IQCM: variants seen among roughly 807,000 people sequenced by gnomAD.
IQCM encodes the protein IQ domain-containing protein M.
In IQCM, 45 loss-of-function variants were observed where a neutral mutation model predicts 57.6. That is an observed-to-expected ratio of 0.78 (90% CI 0.62 to 1.00). IQCM has a LOEUF of 1.00. IQCM is among the 50% of genes least tolerant of loss of function. The pLI, the probability that IQCM is intolerant of heterozygous loss-of-function variation, is 0.00. For synonymous variants in IQCM, 148 were observed against 158.9 expected (o/e 0.93, Z 0.51); for missense variants, 468 against 511.6 (o/e 0.91, Z 0.82).
intron 13 of IQCM, among the ~76,000 whole-genome samples, chr4:149,367,277 CCCTGTA>C (rs1729910455): frequency 6.6e-6 from 1 of 151,862 alleles, no homozygotes; most frequent in Non-Finnish European, 1.5e-5. Flanking sequence ...TATATGTATG[CCCTGTA>C]TACAAACAAA....
intron 13 of IQCM, among the ~76,000 whole-genome samples, chr4:149,390,428 T>G (rs1731768542): frequency 6.6e-6 from 1 of 151,942 alleles, no homozygotes; most frequent in African/African-American, 2.4e-5. Flanking sequence ...CTTTTTTTTT[T>G]TCTAATTATC....
At chr4:149,411,569 A>T (rs565285213) in intron 13 of IQCM, among the ~76,000 whole-genome samples, 8 of 152,272 alleles carry the variant, frequency 5.3e-5, no homozygotes, top group African/African-American at 1.9e-4. Flanking sequence ...TTATTGATCA[A>T]ATATTTCACC....
At position 149,621,143 on chromosome 4, in the gene IQCM, G is replaced by A. The variant is rs142822410; in HGVS notation, c.667C>T (p.Arg223Trp). Reference sequence around the variant, plus strand: ...TAAATACTTACAGAATAATAATCCCGAAATATTGATGATGATTGAGAGAAA... The same window carrying A: ...TAAATACTTACAGAATAATAATCCCAAAATATTGATGATGATTGAGAGAAA... ...VSFSQSSSIF[R>W]DYYSKTFKTL... Residue 223 changes from arginine (R) to tryptophan (W), a missense_variant, in exon 8 of 14, where the codon CGG becomes TGG. Transcript: ENST00000636793. 1.3e-3 allele frequency: 1,565 copies of A among 1,224,326 alleles called. 8 individuals carry two copies. Among genetic ancestry groups the A allele is most frequent in the African/African-American group, 0.012 (787 of 64,322 alleles). 75.8% of individuals were successfully genotyped at this position (1,224,326 alleles called of 1,614,324 possible). A position where few individuals can be genotyped will look rare whatever the true frequency, so the allele number is the denominator to read the frequency against.
chr4:149,765,565 G>T (rs1296921796), intron 2 of IQCM, among the ~76,000 whole-genome samples: 1 of 151,830 alleles, frequency 6.6e-6, no homozygotes, highest in Non-Finnish European at 1.5e-5. Flanking sequence ...GTCCCTTCTG[G>T]TTGGGGACTG....
chr4:149,435,196 G>A (rs1735237734), intron 12 of IQCM, among the ~76,000 whole-genome samples: 1 of 152,064 alleles, frequency 6.6e-6, no homozygotes. Flanking sequence ...GACTTTTCCT[G>A]CTTAAATTAC....
intron 2 of IQCM, among the ~76,000 whole-genome samples, chr4:149,751,437 C>T (rs1768427561): frequency 6.6e-6 from 1 of 152,152 alleles, no homozygotes; most frequent in South Asian, 2.1e-4. Context: ...TAATCAAGGG[C>T]CTTAGGCCTT....
chr4:149,681,929 T>G (rs1352401682), intron 7 of IQCM, among the ~76,000 whole-genome samples, 189 bp downstream of exon 7: 1 of 151,116 alleles, frequency 6.6e-6, no homozygotes, highest in African/African-American at 2.4e-5. Flanking sequence ...GTCTCTCAAT[T>G]TCAGATAAAG....
chr4:149,563,123 A>C (rs1750288535), intron 10 of IQCM, among the ~76,000 whole-genome samples: 1 of 152,290 alleles, frequency 6.6e-6, no homozygotes, highest in Admixed American at 6.5e-5. Flanking sequence ...GCGATCTATG[A>C]AAGTTGACCA....
In IQCM at chr4:149,509,569, T is replaced by C. The variant is rs530845556; in HGVS notation, c.1228+38886A>G. On this transcript the variant is annotated intron_variant, in intron 12 of 13. Transcript: ENST00000636793. ...AGCCTAGATTTTTATTATCTAAAAA[T>C]ATGACTGGAAAAAAACAAGAAATCT... is the stretch of plus-strand genomic sequence containing the variant. 1.3e-3 allele frequency among the ~76,000 whole-genome samples: 28 copies of C among 22,032 alleles called. No homozygotes were observed. The South Asian group carries it at 0.071, about 56-fold the overall frequency. The allele number at this position is 22,032 out of a possible 152,430, so 14.5% of individuals were successfully genotyped here.
intron 12 of IQCM, among the ~76,000 whole-genome samples, chr4:149,482,723 T>G (rs992029870): frequency 6.6e-6 from 1 of 151,970 alleles, no homozygotes; most frequent in East Asian, 1.9e-4. Context: ...ATCAGAGATA[T>G]TGGCCTGAAG....
intron 13 of IQCM, among the ~76,000 whole-genome samples, chr4:149,410,308 A>G (rs932870848): frequency 1.3e-5 from 2 of 152,114 alleles, no homozygotes; most frequent in African/African-American, 4.8e-5. Flanking sequence ...TACTATTTAT[A>G]GTACTATATT....
chr4:149,440,944 A>T (rs1735879631), intron 12 of IQCM, among the ~76,000 whole-genome samples: 1 of 152,126 alleles, frequency 6.6e-6, no homozygotes, highest in Non-Finnish European at 1.5e-5. Context: ...ATTGGATACA[A>T]ATCAATTTAT....
At chr4:149,625,363 A>C (rs1343563951) in intron 7 of IQCM, among the ~76,000 whole-genome samples, 1 of 152,308 alleles carries the variant, frequency 6.6e-6, no homozygotes, top group East Asian at 1.9e-4. Context: ...GAGGAGAAAA[A>C]GTAATATATT....
intron 13 of IQCM, among the ~76,000 whole-genome samples, chr4:149,416,060 A>G (rs1482648375): frequency 6.6e-6 from 1 of 152,180 alleles, no homozygotes; most frequent in African/African-American, 2.4e-5. Flanking sequence ...ATTTTAAAAA[A>G]GCCTGTTAGT....
intron 10 of IQCM, among the ~76,000 whole-genome samples, chr4:149,554,912 G>T (rs1297138744): frequency 6.6e-6 from 1 of 151,234 alleles, no homozygotes; most frequent in Non-Finnish European, 1.5e-5. Flanking sequence ...TGTTAGCCAG[G>T]ATGGTCTGGA....
chr4:149,391,200 C>T (rs764635807), intron 13 of IQCM, among the ~76,000 whole-genome samples: 2 of 151,854 alleles, frequency 1.3e-5, no homozygotes, highest in Non-Finnish European at 2.9e-5. Context: ...TCAGATTTTA[C>T]ATATTGTTGG....
intron 13 of IQCM, among the ~76,000 whole-genome samples, chr4:149,357,658 C>T (rs553368444): frequency 2.0e-4 from 30 of 151,996 alleles, no homozygotes; most frequent in South Asian, 4.2e-4. Flanking sequence ...AGTATTTTAT[C>T]GAGGATTTTT....
chr4:149,363,382 T>C (rs1729623078), intron 13 of IQCM, among the ~76,000 whole-genome samples: 1 of 152,204 alleles, frequency 6.6e-6, no homozygotes, highest in Non-Finnish European at 1.5e-5. Flanking sequence ...TGTTGCAGTC[T>C]AGAATGATGT....
chr4:149,540,957 T>C (rs1747793167), intron 12 of IQCM, among the ~76,000 whole-genome samples: 1 of 152,194 alleles, frequency 6.6e-6, no homozygotes. Context: ...CTGATACGTC[T>C]TCATTCTTTT....
Sources: allele counts gnomAD v4.1 joint callset (sites outside exome capture counted in the v4.1 genomes callset), GRCh38; gene constraint gnomAD v4.1.1; transcripts MANE v1.5; gene names NCBI Gene and HGNC (gene_info 2026-07-23, HGNC 2026-07-21).